The following PIAS1 variants were observed in gnomAD, a reference collection of about 807,000 sequenced individuals.
PIAS1 encodes the protein protein inhibitor of activated STAT 1.
Under a neutral mutation model 71.3 loss-of-function variants are expected in PIAS1, and 6 were observed. That is an observed-to-expected ratio of 0.08 (90% CI 0.05 to 0.17). PIAS1 has a LOEUF of 0.17. Ranked by LOEUF, PIAS1 falls within the 10% of genes least tolerant of loss-of-function variation. The probability of loss-of-function intolerance (pLI) is 1.00; values close to 1 mark genes in which losing one functional copy is unlikely to be tolerated. For missense variants in PIAS1, 555 were observed against 793.6 expected (o/e 0.70, Z 3.61); for synonymous variants, 303 against 292.9 (o/e 1.03, Z -0.35).
At chr15:68,098,258 T>C (rs1056702782) in intron 2 of PIAS1, among the ~76,000 whole-genome samples, 6 of 152,208 alleles carry the variant, frequency 3.9e-5, no homozygotes, top group African/African-American at 1.2e-4. Flanking sequence ...TGTATATGTA[T>C]GTATTGTGTA....
chr15:68,135,132 G>C (rs1486339605), intron 2 of PIAS1, among the ~76,000 whole-genome samples: 1 of 49,330 alleles, frequency 2.0e-5, no homozygotes, highest in African/African-American at 4.2e-5. Context: ...GGGGCGGCTG[G>C]CCTGGCGGGG....
intron 11 of PIAS1, among the ~76,000 whole-genome samples, chr15:68,177,293 A>AAG (rs2093026419): frequency 6.6e-6 from 1 of 151,606 alleles, no homozygotes; most frequent in Non-Finnish European, 1.5e-5. Flanking sequence ...AAAAAAAAAA[A>AAG]AAAAGAAAGA....
At chr15:68,127,841 CA>C (rs1807707921) in intron 2 of PIAS1, among the ~76,000 whole-genome samples, 2 of 152,126 alleles carry the variant, frequency 1.3e-5, no homozygotes, top group Admixed American at 1.3e-4. Flanking sequence ...CAGCTCGCTG[CA>C]ACCTCCTCCT....
At chr15:68,176,178 A>G (rs1595791172) in intron 10 of PIAS1, among the ~76,000 whole-genome samples, 1 of 152,188 alleles carries the variant, frequency 6.6e-6, no homozygotes, top group African/African-American at 2.4e-5. Flanking sequence ...TATGTCAGAT[A>G]CTATACAGAC....
chr15:68,062,581 G>A (rs1295018941), intron 1 of PIAS1, among the ~76,000 whole-genome samples: 1 of 152,158 alleles, frequency 6.6e-6, no homozygotes, highest in Admixed American at 6.5e-5. Flanking sequence ...TTGAGTCTCT[G>A]TAGACTTGCC....
intron 2 of PIAS1, among the ~76,000 whole-genome samples, chr15:68,107,296 G>C (rs945109401): frequency 2.2e-4 from 34 of 152,118 alleles, no homozygotes; most frequent in Non-Finnish European, 4.6e-4. Context: ...AGTATGCTTA[G>C]GTATGGTCTC....
chr15:68,088,200 A>ATATATATATATATATATATATC (rs1487846650), intron 2 of PIAS1, among the ~76,000 whole-genome samples: 1 of 143,428 alleles, frequency 7.0e-6, no homozygotes, highest in African/African-American at 2.6e-5. Flanking sequence ...ATATATATAT[A>ATATATATATATATATATATATC]TCCCATTTTA....
chr15:68,153,771 A>C (rs1008469703), intron 7 of PIAS1, 76 bp downstream of exon 7: 1 of 758,174 alleles, frequency 1.3e-6, no homozygotes, highest in African/African-American at 1.7e-5. Context: ...AACTCAAGAA[A>C]TTTTAGAATT....
chr15:68,064,991 G>A (rs2092001450), intron 1 of PIAS1, among the ~76,000 whole-genome samples: 1 of 152,094 alleles, frequency 6.6e-6, no homozygotes, highest in Non-Finnish European at 1.5e-5. Flanking sequence ...GTGATCGCCT[G>A]CCTCGGCCTC....
intron 2 of PIAS1, among the ~76,000 whole-genome samples, chr15:68,102,023 A>G (rs566007541): frequency 6.6e-6 from 1 of 152,246 alleles, no homozygotes; most frequent in Non-Finnish European, 1.5e-5. Flanking sequence ...GGCGTGAGCC[A>G]CAGTGCCTAG....
At chr15:68,133,104 G>A (rs1036646601) in intron 2 of PIAS1, among the ~76,000 whole-genome samples, 5 of 151,368 alleles carry the variant, frequency 3.3e-5, no homozygotes, top group South Asian at 2.1e-4. Context: ...ATGTATCTTA[G>A]AGAGATCACT....
chr15:68,135,487 G>T (rs1328166430), intron 2 of PIAS1, among the ~76,000 whole-genome samples: 3 of 31,394 alleles, frequency 9.6e-5, no homozygotes, highest in South Asian at 7.1e-4. Flanking sequence ...GGCTGGCCGG[G>T]GGGGGCTAAC....
At chr15:68,181,549 CA>C in intron 12 of PIAS1, 195 bp downstream of exon 12, 1 of 518,220 alleles carries the variant, frequency 1.9e-6, no homozygotes, top group Non-Finnish European at 3.5e-6. Context: ...CATCAGTAGC[CA>C]GTGTTTTACT....
chr15:68,085,534 CTCTG>C lies in PIAS1; in HGVS notation c.25-768_25-765del, dbSNP rs367664592. Among the ~76,000 whole-genome samples the C allele has an allele frequency of 2.6e-4, 40 of 152,316 alleles. 1 individual carries two copies. The East Asian group carries it at 3.3e-3, about 12-fold the overall frequency. On this transcript the variant is annotated intron_variant, in intron 1 of 13. Coordinates refer to ENST00000249636, the MANE Select transcript of PIAS1 (RefSeq NM_016166.3). ...GTGAGAGTCAGTAATATGAGTCCAG[CTCTG>C]TCTTTTTCCTAATGGTTTAGTGGAA... is the stretch of plus-strand genomic sequence containing the variant.
chr15:68,162,430 A>G (rs904606953), intron 7 of PIAS1, among the ~76,000 whole-genome samples: 4 of 152,132 alleles, frequency 2.6e-5, no homozygotes, highest in African/African-American at 9.7e-5. Flanking sequence ...GTTATTAGTC[A>G]GGGTTCTCCG....
rs2093092415 is a variant in PIAS1 at position 68,187,013 on chromosome 15, A to G, written c.1663-529A>G. Among the ~76,000 whole-genome samples, 1 of 152,272 alleles carries G rather than the reference A, an allele frequency of 6.6e-6. No homozygotes were observed. Among genetic ancestry groups the G allele is most frequent in the South Asian group, 2.1e-4 (1 of 4,836 alleles). Reference sequence around the variant, plus strand: ...TAATGTGTAGCCAAGAGAAAGATAAATTTCCTTGGAAAACTTAGAGTAATC... The same window carrying G: ...TAATGTGTAGCCAAGAGAAAGATAAGTTTCCTTGGAAAACTTAGAGTAATC... On this transcript the variant is annotated intron_variant, in intron 13 of 13. Transcript: ENST00000249636. This position sits in a 1 kb window ranked among gnomAD's most constrained non-coding sequence, Gnocchi z 5.3.
intron 8 of PIAS1, among the ~76,000 whole-genome samples, chr15:68,169,036 T>C (rs1305685427): frequency 1.3e-5 from 2 of 152,214 alleles, no homozygotes; most frequent in African/African-American, 4.8e-5. Flanking sequence ...TTTCTTATCA[T>C]CTTATCTGTT....
chr15:68,083,208 C>T (rs919899864), intron 1 of PIAS1, among the ~76,000 whole-genome samples: 3 of 152,174 alleles, frequency 2.0e-5, no homozygotes, highest in Non-Finnish European at 4.4e-5. Flanking sequence ...TTCATTTCAA[C>T]AACTCAGATG....
In PIAS1 at chr15:68,158,738, C is replaced by T. The variant is rs544689686; in HGVS notation, c.934+5043C>T. 3.5e-4 allele frequency among the ~76,000 whole-genome samples: 53 copies of T among 152,084 alleles called. 1 individual carries two copies. The highest frequency in any genetic ancestry group is 1.6e-4 in the Non-Finnish European group (11 of 67,974). ...TGATCTTAATATGTTTGATTGTTTT[C>T]GGCCTTAAAATTTTAAAAGGCTGAA... On this transcript the variant is annotated intron_variant, in intron 7 of 13. Transcript: ENST00000249636.
Sources: gnomAD v4.1 joint callset for allele counts (sites outside exome capture counted in the v4.1 genomes callset) on GRCh38, gnomAD v4.1.1 for gene constraint, Gnocchi (gnomAD v3.1) non-coding constraint, MANE v1.5 for transcripts, NCBI Gene and HGNC (gene_info 2026-07-23, HGNC 2026-07-21) for gene names.